KAZN: variants seen among roughly 807,000 people sequenced by gnomAD.
KAZN encodes kazrin.
KAZN carries 40 observed loss-of-function variants against 87.4 expected under a neutral mutation model. That is an observed-to-expected ratio of 0.46 (90% CI 0.36 to 0.60). The LOEUF is 0.60. Ranked by LOEUF, KAZN falls within the 20% of genes least tolerant of loss-of-function variation. The pLI is 0.00. For missense variants in KAZN, 898 were observed against 1,073.9 expected (o/e 0.84, Z 2.29); for synonymous variants, 466 against 458.3 (o/e 1.02, Z -0.22).
At chr1:14,903,570 C>T (rs992019859) in intron 1 of KAZN, among the ~76,000 whole-genome samples, 3 of 152,112 alleles carry the variant, frequency 2.0e-5, no homozygotes, top group Non-Finnish European at 4.4e-5. Flanking sequence ...CAGAGGAGGC[C>T]GAGAATGTAA....
intron 1 of KAZN, among the ~76,000 whole-genome samples, chr1:14,043,948 T>G (rs2101417066): frequency 6.6e-6 from 1 of 152,274 alleles, no homozygotes; most frequent in East Asian, 1.9e-4. Flanking sequence ...GCTTGGACAG[T>G]TCTGTGGGTT....
At chr1:14,356,699 T>A (rs1283541963) in intron 2 of KAZN, among the ~76,000 whole-genome samples, 11 of 152,236 alleles carry the variant, frequency 7.2e-5, no homozygotes, top group Admixed American at 6.5e-4. Context: ...TCCCCATTGC[T>A]TGTTTTTGTC....
chr1:14,800,227 T>C (rs1369641042), intron 1 of KAZN, among the ~76,000 whole-genome samples: 1 of 152,152 alleles, frequency 6.6e-6, no homozygotes, highest in Non-Finnish European at 1.5e-5. Flanking sequence ...GCAACTCCAT[T>C]CCTAGGTATA....
intron 1 of KAZN, among the ~76,000 whole-genome samples, chr1:14,644,085 C>T (rs1352743047): frequency 1.4e-5 from 2 of 144,620 alleles, no homozygotes; most frequent in Non-Finnish European, 3.0e-5. Flanking sequence ...AATCTCCGCT[C>T]ACTGCAACCT....
chr1:14,573,829 G>A lies in KAZN; in HGVS notation c.250-25154G>A, dbSNP rs181685486. ...AAGATTGTCACTTTTGAGGATGGAG[G>A]AAGAAGGAGAAATTCAGGCATATGA... On this transcript the variant is annotated intron_variant, in intron 2 of 16. Coordinates refer to the KAZN transcript ENST00000636203. Among the ~76,000 whole-genome samples, 115 of 152,080 alleles carry A rather than the reference G, an allele frequency of 7.6e-4. 2 individuals carry two copies. Among genetic ancestry groups the A allele is most frequent in the Admixed American group, 2.6e-3 (40 of 15,282 alleles).
At chr1:14,984,537 G>A (rs1416910920) in intron 2 of KAZN, among the ~76,000 whole-genome samples, 1 of 152,118 alleles carries the variant, frequency 6.6e-6, no homozygotes, top group Non-Finnish European at 1.5e-5. Flanking sequence ...GTATAAATAT[G>A]CAATTGACAA....
At position 15,021,406 on chromosome 1, in the gene KAZN, T is replaced by A. The variant is rs1161490184; in HGVS notation, c.419-13343T>A. Among the ~76,000 whole-genome samples, 3 of 152,136 alleles carry A rather than the reference T, an allele frequency of 2.0e-5. No homozygotes were observed. The highest frequency in any genetic ancestry group is 2.9e-5 in the Non-Finnish European group (2 of 68,022). ...TTCCGGGCCCATTCCCTGCCACTAT[T>A]TTTAGTGGTGATTGGGAGGAAGGAG... On this transcript the variant is annotated intron_variant, in intron 2 of 14. Coordinates refer to ENST00000376030, the MANE Select transcript of KAZN (RefSeq NM_201628.3). The surrounding 1 kb of genome is among the most constrained non-coding windows in gnomAD (Gnocchi z 4.2).
chr1:14,020,886 T>G (rs1272897904), intron 1 of KAZN, among the ~76,000 whole-genome samples: 1 of 152,224 alleles, frequency 6.6e-6, no homozygotes, highest in African/African-American at 2.4e-5. Context: ...TCACCGTTCC[T>G]TTAGATGAGT....
chr1:14,382,958 C>G (rs920323035), intron 2 of KAZN, among the ~76,000 whole-genome samples: 1 of 151,182 alleles, frequency 6.6e-6, no homozygotes, highest in Non-Finnish European at 1.5e-5. Flanking sequence ...GTTCCTATTT[C>G]TCCACATCCT....
intron 1 of KAZN, among the ~76,000 whole-genome samples, chr1:14,780,154 T>C (rs1645289534): frequency 6.6e-6 from 1 of 152,238 alleles, no homozygotes; most frequent in Non-Finnish European, 1.5e-5. Flanking sequence ...AACGTGTTTC[T>C]TCTTTAGGGC....
At chr1:14,901,082 A>G (rs1341964408) in intron 1 of KAZN, among the ~76,000 whole-genome samples, 7 of 152,230 alleles carry the variant, frequency 4.6e-5, no homozygotes, top group Admixed American at 4.6e-4. Flanking sequence ...AGGGAGAGAC[A>G]TCCGTGAGCA....
chr1:14,338,699 A>G (rs765366234), intron 2 of KAZN, among the ~76,000 whole-genome samples: 1 of 152,192 alleles, frequency 6.6e-6, no homozygotes, highest in Non-Finnish European at 1.5e-5. Context: ...AGAGGAGTCC[A>G]TTGTGTTCAA....
chr1:13,935,986 G>C (rs1165047424), intron 1 of KAZN, among the ~76,000 whole-genome samples: 1 of 146,890 alleles, frequency 6.8e-6, no homozygotes, highest in Non-Finnish European at 1.5e-5. Flanking sequence ...TATATGATTT[G>C]TATATATCAT....
chr1:14,306,234 A>G (rs563096572), intron 2 of KAZN, among the ~76,000 whole-genome samples: 1 of 152,212 alleles, frequency 6.6e-6, no homozygotes, highest in Middle Eastern at 3.2e-3. Context: ...TTAAATCCCC[A>G]TATTTCTCTA....
At chr1:14,014,550 A>G (rs892593000) in intron 1 of KAZN, among the ~76,000 whole-genome samples, 1 of 152,154 alleles carries the variant, frequency 6.6e-6, no homozygotes, top group Non-Finnish European at 1.5e-5. Flanking sequence ...CTTACTGCCT[A>G]TTTCTCTTAG....
chr1:14,058,634 T>C (rs1570636749), intron 1 of KAZN, among the ~76,000 whole-genome samples: 1 of 152,138 alleles, frequency 6.6e-6, no homozygotes, highest in Non-Finnish European at 1.5e-5. Context: ...TTTATCTCAA[T>C]AGTTCAGGAA....
Position 15,099,032 on chromosome 1 carries a change from C to T in KAZN, c.1548-2511C>T, listed in dbSNP as rs923267496. 1.3e-5 allele frequency among the ~76,000 whole-genome samples: 2 copies of T among 152,192 alleles called. No homozygotes were observed. The highest frequency in any genetic ancestry group is 2.4e-5 in the African/African-American group (1 of 41,452). On this transcript the variant is annotated intron_variant, in intron 10 of 14. Coordinates refer to ENST00000376030, the MANE Select transcript of KAZN (RefSeq NM_201628.3). The surrounding 1 kb of genome is among the most constrained non-coding windows in gnomAD (Gnocchi z 5.4). ...CAGGGGCTTTGGACACAGAGAAGGG[C>T]TCCTGACCCAGCATGACATCTTGGA...
intron 2 of KAZN, among the ~76,000 whole-genome samples, chr1:14,549,613 C>T (rs1014003504): frequency 5.1e-4 from 69 of 135,198 alleles, no homozygotes; most frequent in African/African-American, 1.8e-3. Context: ...CAGGCAACCC[C>T]TTTTTTTTTT....
At chr1:14,917,849 T>TTC (rs1557618597) in intron 1 of KAZN, among the ~76,000 whole-genome samples, 284 of 148,788 alleles carry the variant, frequency 1.9e-3, no homozygotes, top group Non-Finnish European at 2.9e-3. Flanking sequence ...CTTCTTTCTT[T>TTC]CTTCCTTCCT....
Sources: gnomAD v4.1 joint callset for allele counts (sites outside exome capture counted in the v4.1 genomes callset) on GRCh38, gnomAD v4.1.1 for gene constraint, Gnocchi (gnomAD v3.1) non-coding constraint, MANE v1.5 for transcripts, NCBI Gene and HGNC (gene_info 2026-07-23, HGNC 2026-07-21) for gene names.